The following SGCZ variants were observed in gnomAD, a reference collection of about 807,000 sequenced individuals.
SGCZ encodes zeta-sarcoglycan.
In SGCZ, 40 loss-of-function variants were observed where a neutral mutation model predicts 41.3. The observed-to-expected ratio is 0.97, with a 90% CI of 0.75 to 1.26. The LOEUF is 1.26. SGCZ is among the 50% of genes most tolerant of loss of function. The pLI is 0.00. For missense variants in SGCZ, 552 were observed against 369.8 expected (o/e 1.49, Z -4.04); for synonymous variants, 206 against 137.5 (o/e 1.50, Z -3.49).
intron 1 of SGCZ, among the ~76,000 whole-genome samples, chr8:15,043,510 G>C (rs1206966783): frequency 6.6e-6 from 1 of 151,942 alleles, no homozygotes; most frequent in Non-Finnish European, 1.5e-5. Context: ...TTGCTACTCT[G>C]AGTTAAATTA....
intron 1 of SGCZ, among the ~76,000 whole-genome samples, chr8:14,959,702 A>G (rs1461726338): frequency 6.6e-6 from 1 of 152,148 alleles, no homozygotes; most frequent in Non-Finnish European, 1.5e-5. Flanking sequence ...AACTGTTCTT[A>G]AGTTACTTTT....
Position 14,840,764 on chromosome 8 carries a change from GC to G in SGCZ, c.40-285839del, listed in dbSNP as rs1802875282. ...AACTTAGTTTTACCTAAAAAAGAAGGCATTTGATTAGACAGCATCTACTCTT... is the reference window on the plus strand; with the variant it reads ...AACTTAGTTTTACCTAAAAAAGAAGGATTTGATTAGACAGCATCTACTCTT... On this transcript the variant is annotated intron_variant, in intron 1 of 7. Transcript: ENST00000382080. Among the ~76,000 whole-genome samples the G allele has an allele frequency of 2.0e-5, 3 of 152,100 alleles. No homozygotes were observed. The South Asian group carries it at 6.2e-4, about 32-fold the overall frequency.
At chr8:14,957,888 T>C (rs1800842198) in intron 1 of SGCZ, among the ~76,000 whole-genome samples, 1 of 152,064 alleles carries the variant, frequency 6.6e-6, no homozygotes, top group East Asian at 1.9e-4. Context: ...TGTTCATTCA[T>C]TTACTAAGAG....
At chr8:14,642,096 G>A (rs1426811359) in intron 1 of SGCZ, among the ~76,000 whole-genome samples, 1 of 151,584 alleles carries the variant, frequency 6.6e-6, no homozygotes, top group African/African-American at 2.4e-5. Flanking sequence ...TTTACTAATG[G>A]AAAAGCACCA....
chr8:15,145,198 C>G (rs1445838791), intron 1 of SGCZ, among the ~76,000 whole-genome samples: 1 of 152,156 alleles, frequency 6.6e-6, no homozygotes, highest in Non-Finnish European at 1.5e-5. Flanking sequence ...GAAATTCAGC[C>G]ATGTTCATTA....
intron 5 of SGCZ, among the ~76,000 whole-genome samples, chr8:14,146,257 C>G (rs1423378936): frequency 6.6e-6 from 1 of 152,170 alleles, no homozygotes; most frequent in Non-Finnish European, 1.5e-5. Flanking sequence ...TCAGTGGAAA[C>G]TTACAGGCTG....
intron 1 of SGCZ, among the ~76,000 whole-genome samples, chr8:15,005,114 C>T (rs964341502): frequency 3.9e-5 from 6 of 152,140 alleles, no homozygotes; most frequent in Admixed American, 6.5e-5. Context: ...AGCCTCATGC[C>T]GGCTAGTAAG....
At chr8:14,524,295 A>T (rs1802876063) in intron 2 of SGCZ, among the ~76,000 whole-genome samples, 1 of 151,972 alleles carries the variant, frequency 6.6e-6, no homozygotes, top group African/African-American at 2.4e-5. Context: ...GCAGGAGTGG[A>T]AGTCCAGGAT....
chr8:14,712,294 G>A (rs573926977), intron 1 of SGCZ, among the ~76,000 whole-genome samples: 279 of 152,290 alleles, frequency 1.8e-3, no homozygotes, highest in Non-Finnish European at 3.1e-3. Flanking sequence ...GCGCTGCCTG[G>A]TTGATGAAAT....
intron 1 of SGCZ, among the ~76,000 whole-genome samples, chr8:15,163,957 A>AG (rs1297535294): frequency 6.6e-6 from 1 of 152,226 alleles, no homozygotes; most frequent in Non-Finnish European, 1.5e-5. Flanking sequence ...GGACGTTTAC[A>AG]GGGGAAGGAG....
intron 5 of SGCZ, among the ~76,000 whole-genome samples, chr8:14,133,412 G>C (rs1260399196): frequency 6.6e-6 from 1 of 152,190 alleles, no homozygotes; most frequent in East Asian, 1.9e-4. Flanking sequence ...TTTATGGCTA[G>C]AGTTCTGAGA....
intron 1 of SGCZ, among the ~76,000 whole-genome samples, chr8:15,202,752 C>G (rs1318946081): frequency 6.6e-6 from 1 of 151,964 alleles, no homozygotes; most frequent in Non-Finnish European, 1.5e-5. Context: ...CTATCAATAC[C>G]TTTTAGAAAT....
intron 1 of SGCZ, among the ~76,000 whole-genome samples, chr8:14,867,600 C>T (rs545473813): frequency 3.9e-4 from 60 of 152,102 alleles, no homozygotes; most frequent in African/African-American, 1.4e-3. Flanking sequence ...TCTCCACAAC[C>T]TCGCCAGCAT....
intron 1 of SGCZ, among the ~76,000 whole-genome samples, chr8:14,790,233 C>T (rs1022429488): frequency 4.6e-5 from 7 of 152,044 alleles, no homozygotes; most frequent in Non-Finnish European, 7.4e-5. Context: ...GACATAGATA[C>T]CAAAGACCAA....
intron 3 of SGCZ, among the ~76,000 whole-genome samples, chr8:14,240,140 A>T (rs1037028699): frequency 2.0e-5 from 3 of 151,620 alleles, no homozygotes; most frequent in Non-Finnish European, 2.9e-5. Flanking sequence ...CAGCCTGGCC[A>T]ACATGGCCAA....
intron 1 of SGCZ, among the ~76,000 whole-genome samples, chr8:14,925,513 T>A (rs942690656): frequency 6.6e-6 from 1 of 152,196 alleles, no homozygotes; most frequent in Non-Finnish European, 1.5e-5. Flanking sequence ...TAAGTTTTCA[T>A]TCTCAAGGAG....
chr8:14,440,666 TGTATGTATATA>T (rs1800223458), intron 2 of SGCZ, among the ~76,000 whole-genome samples: 1 of 148,332 alleles, frequency 6.7e-6, no homozygotes, highest in Non-Finnish European at 1.5e-5. Flanking sequence ...TATATGTGTC[TGTATGTATATA>T]CATACGTATA....
intron 2 of SGCZ, among the ~76,000 whole-genome samples, chr8:14,356,210 G>A (rs1242602015): frequency 6.6e-6 from 1 of 152,064 alleles, no homozygotes; most frequent in Non-Finnish European, 1.5e-5. Flanking sequence ...CACGATGTTC[G>A]GTAGATTAGG....
intron 2 of SGCZ, among the ~76,000 whole-genome samples, chr8:14,507,776 T>TC (rs957700939): frequency 4.4e-5 from 6 of 136,150 alleles, no homozygotes; most frequent in Admixed American, 1.4e-4. Context: ...TTGTTTTTGT[T>TC]TTTTTTTTTT....
Sources: gnomAD v4.1 joint callset for allele counts (sites outside exome capture counted in the v4.1 genomes callset) on GRCh38, gnomAD v4.1.1 for gene constraint, MANE v1.5 for transcripts, NCBI Gene and HGNC (gene_info 2026-07-23, HGNC 2026-07-21) for gene names.